PPHLN1: variants seen among roughly 807,000 people sequenced by gnomAD.
PPHLN1 encodes the protein periphilin-1.
PPHLN1 carries 29 observed loss-of-function variants against 51.3 expected under a neutral mutation model. The ratio of observed to expected loss-of-function variants is 0.57; its 90% confidence interval spans 0.42 to 0.77. The LOEUF (loss-of-function observed/expected upper bound fraction) is 0.77, where lower values mean the gene tolerates loss of function less well. Among genes scored for constraint, PPHLN1 ranks in the 30% least tolerant of loss-of-function variants. The pLI is 0.00. For missense variants in PPHLN1, 436 were observed against 438.4 expected, an observed-to-expected ratio of 0.99 and a Z score of 0.05; for synonymous variants, 147 against 147.8, an observed-to-expected ratio of 0.99 and a Z score of 0.04.
At chr12:42,343,385 T>C (rs1412787579) in intron 2 of PPHLN1, among the ~76,000 whole-genome samples, 3 of 152,180 alleles carry the variant, frequency 2.0e-5, no homozygotes, top group Non-Finnish European at 4.4e-5. Context: ...CATACATCAG[T>C]CAAAAGAATT....
intron 8 of PPHLN1, among the ~76,000 whole-genome samples, chr12:42,397,965 G>A (rs1037380179): frequency 1.1e-4 from 17 of 148,380 alleles, no homozygotes; most frequent in Non-Finnish European, 1.9e-4. Context: ...CTCGTGATCC[G>A]CCTGCCTCGG....
intron 2 of PPHLN1, among the ~76,000 whole-genome samples, chr12:42,338,126 C>G (rs1049820317): frequency 6.6e-6 from 1 of 152,100 alleles, no homozygotes; most frequent in African/African-American, 2.4e-5. Context: ...AGGGTTTTGC[C>G]GTGTTGGCCA....
chr12:42,356,855 AAAAT>A (rs1308222893), intron 4 of PPHLN1, among the ~76,000 whole-genome samples: 1 of 152,218 alleles, frequency 6.6e-6, no homozygotes, highest in Non-Finnish European at 1.5e-5. Context: ...AGTAAAGCGA[AAAAT>A]AAATAAGTTG....
At chr12:42,418,066 C>T (rs1266676984) in intron 9 of PPHLN1, among the ~76,000 whole-genome samples, 2 of 150,300 alleles carry the variant, frequency 1.3e-5, no homozygotes, top group East Asian at 2.0e-4. Flanking sequence ...CAGCCTCCTA[C>T]GTAGCTGGGA....
downstream of PPHLN1, chr12:42,446,168 T>C: frequency 6.2e-7 from 1 of 1,607,488 alleles, no homozygotes; most frequent in Non-Finnish European, 8.5e-7. Context: ...AGACATTACC[T>C]GGGGGATGCT....
chr12:42,406,119 T>C (rs1374858013), intron 9 of PPHLN1, among the ~76,000 whole-genome samples: 2 of 151,102 alleles, frequency 1.3e-5, no homozygotes, highest in Admixed American at 6.6e-5. Flanking sequence ...AGTCTTGCTC[T>C]GTCACCCAGA....
At chr12:42,363,536 T>C (rs961345753) in intron 4 of PPHLN1, among the ~76,000 whole-genome samples, 23 of 151,696 alleles carry the variant, frequency 1.5e-4, no homozygotes, top group African/African-American at 5.1e-4. Flanking sequence ...TTCAAATGTG[T>C]TTTACTAATG....
chr12:42,361,481 TC>T (rs1420662568), intron 4 of PPHLN1: 1 of 152,186 alleles, frequency 6.6e-6, no homozygotes, highest in Non-Finnish European at 1.5e-5. Context: ...ACCTCTTTAC[TC>T]CCTTAAAACA....
At chr12:42,330,783 C>T (rs893219752) in intron 1 of PPHLN1, among the ~76,000 whole-genome samples, 2 of 152,144 alleles carry the variant, frequency 1.3e-5, no homozygotes, top group African/African-American at 2.4e-5. Context: ...AATCTTGGCT[C>T]GCTGCAACCT....
downstream of PPHLN1, chr12:42,444,776 A>T: frequency 2.4e-6 from 1 of 413,234 alleles, no homozygotes; most frequent in Non-Finnish European, 4.3e-6. Flanking sequence ...CTGCTGACAA[A>T]CTACTTCAGT....
At chr12:42,368,064 T>A (rs963257232) in intron 4 of PPHLN1, among the ~76,000 whole-genome samples, 6 of 152,224 alleles carry the variant, frequency 3.9e-5, no homozygotes, top group Admixed American at 3.9e-4. Flanking sequence ...TATTAATATT[T>A]AAGACTGGCA....
At position 42,367,653 on chromosome 12, in the gene PPHLN1, G is replaced by A. The variant is rs550659101; in HGVS notation, c.300-7210G>A. Among the ~76,000 whole-genome samples, 6 of 152,108 alleles carry A rather than the reference G, an allele frequency of 3.9e-5. No individual in the cohort carries two copies. In the East Asian group the frequency reaches 5.8e-4, roughly 15 times the overall value. On this transcript the variant is annotated intron_variant, in intron 4 of 9. Coordinates refer to ENST00000358314, the MANE Select transcript of PPHLN1 (RefSeq NM_201439.2). ...TCTTCCATTGAATTATCTTCGTATC[G>A]TTTGTCTGTTTTTTATTAGTGTGTT...
intron 9 of PPHLN1, among the ~76,000 whole-genome samples, chr12:42,405,652 C>G (rs1415035154): frequency 6.6e-6 from 1 of 152,038 alleles, no homozygotes; most frequent in African/African-American, 2.4e-5. Context: ...TATGTTATTT[C>G]TGTTTTGAAT....
chr12:42,351,668 AT>A (rs1335193838), intron 2 of PPHLN1, among the ~76,000 whole-genome samples: 1 of 152,094 alleles, frequency 6.6e-6, no homozygotes, highest in Non-Finnish European at 1.5e-5. Context: ...GCTGCATGTC[AT>A]TTTGAACACC....
At chr12:42,443,019 C>T (rs1222754473), downstream of PPHLN1, 3 of 346,124 alleles carry the variant, frequency 8.7e-6, no homozygotes, top group Admixed American at 1.2e-4. Flanking sequence ...TGCACAAGGG[C>T]AATGGGTCCC....
intron 9 of PPHLN1, among the ~76,000 whole-genome samples, chr12:42,438,514 G>A (rs111803423): frequency 0.031 from 4,708 of 152,194 alleles, 101 homozygotes; most frequent in Non-Finnish European, 0.049. Flanking sequence ...ATGTTCATTT[G>A]CCATCTGAAT....
chr12:42,441,916 A>T lies in PPHLN1; in HGVS notation c.*407A>T. On this transcript the variant is annotated 3_prime_UTR_variant, in exon 10 of 10. Coordinates refer to ENST00000358314, the MANE Select transcript of PPHLN1 (RefSeq NM_201439.2). Reference sequence around the variant, plus strand: ...TAGGCTTTGTAACTTGTAATATGTTAAAGTGTACTATCCTAATAAACTGAA... The same window carrying T: ...TAGGCTTTGTAACTTGTAATATGTTTAAGTGTACTATCCTAATAAACTGAA... 4.1e-6 allele frequency: 4 copies of T among 974,752 alleles called. No homozygotes were observed. Among genetic ancestry groups the T allele is most frequent in the Non-Finnish European group, 4.9e-6 (4 of 818,944 alleles). 60.4% of individuals were successfully genotyped at this position (974,752 alleles called of 1,614,324 possible). A position where few individuals can be genotyped will look rare whatever the true frequency, so the allele number is the denominator to read the frequency against.
intron 5 of PPHLN1, among the ~76,000 whole-genome samples, chr12:42,378,082 CTATCTTTCTCTT>C (rs916961739): frequency 6.7e-6 from 1 of 150,052 alleles, no homozygotes; most frequent in African/African-American, 2.5e-5. Context: ...AGCTATCTAT[CTATCTTTCTCTT>C]TCTTTCTTTC....
intron 9 of PPHLN1, among the ~76,000 whole-genome samples, chr12:42,402,734 C>G (rs1012547107): frequency 1.4e-4 from 21 of 151,952 alleles, no homozygotes; most frequent in Non-Finnish European, 1.2e-4. Flanking sequence ...AAATAACCTT[C>G]GAATATACCA....
Sources: gnomAD v4.1 joint callset for allele counts (sites outside exome capture counted in the v4.1 genomes callset) on GRCh38, gnomAD v4.1.1 for gene constraint, MANE v1.5 for transcripts, NCBI Gene and HGNC (gene_info 2026-07-23, HGNC 2026-07-21) for gene names.